Variants in NDST4 observed in about 807,000 individuals in gnomAD.
NDST4 encodes N-deacetylase and N-sulfotransferase 4.
In NDST4, 63 loss-of-function variants were observed where a neutral mutation model predicts 100.8. The observed-to-expected ratio is 0.62, with a 90% CI of 0.51 to 0.77. The LOEUF (loss-of-function observed/expected upper bound fraction) is 0.77, where lower values mean the gene tolerates loss of function less well. Ranked by LOEUF, NDST4 falls within the 30% of genes least tolerant of loss-of-function variation. NDST4 has a pLI of 0.00. For synonymous variants in NDST4, 377 were observed against 361.8 expected, an observed-to-expected ratio of 1.04 and a Z score of -0.48; for missense variants, 943 against 1,018.4, an observed-to-expected ratio of 0.93 and a Z score of 1.01.
At chr4:114,929,093 CATCCATCCATCCATCCATCCATCTATCT>C (rs1228210729) in intron 6 of NDST4, among the ~76,000 whole-genome samples, 1 of 108,398 alleles carries the variant, frequency 9.2e-6, no homozygotes, top group Non-Finnish European at 2.0e-5. Flanking sequence ...TCCATCCATC[CATCCATCCATCCATCCATCCATCTATCT>C]ATCTATCTAT....
At chr4:115,012,453 A>G (rs1325043693) in intron 2 of NDST4, among the ~76,000 whole-genome samples, 3 of 152,126 alleles carry the variant, frequency 2.0e-5, no homozygotes, top group East Asian at 1.9e-4. Flanking sequence ...TTCCAACACC[A>G]TGGCTTAAGT....
intron 2 of NDST4, among the ~76,000 whole-genome samples, chr4:115,064,908 T>C (rs1728913061): frequency 6.6e-6 from 1 of 152,160 alleles, no homozygotes. Flanking sequence ...CATTTATTGT[T>C]TCAGAAGACA....
chr4:114,922,085 G>A lies in NDST4; in HGVS notation c.1536+13121C>T, dbSNP rs538639225. Among the ~76,000 whole-genome samples the A allele has an allele frequency of 8.1e-4, 123 of 152,202 alleles. 2 individuals are homozygous for A. The highest frequency in any genetic ancestry group is 2.9e-3 in the African/African-American group (121 of 41,506). On this transcript the variant is annotated intron_variant, in intron 6 of 13. Transcript: ENST00000264363. ...TCACCAGGAATGTCCGGCCACCATCGGGTGATGGTCAGGCGGTTGTTAACT... is the reference window on the plus strand; with the variant it reads ...TCACCAGGAATGTCCGGCCACCATCAGGTGATGGTCAGGCGGTTGTTAACT...
intron 6 of NDST4, among the ~76,000 whole-genome samples, chr4:114,898,261 TA>T (rs1462826056): frequency 1.3e-5 from 2 of 152,200 alleles, no homozygotes; most frequent in African/African-American, 2.4e-5. Context: ...TAGATTTATT[TA>T]TTTTTTTATT....
chr4:114,962,789 T>C (rs1726293646), intron 4 of NDST4, among the ~76,000 whole-genome samples: 1 of 152,062 alleles, frequency 6.6e-6, no homozygotes, highest in African/African-American at 2.4e-5. Context: ...TTGTTTATTG[T>C]GCAGAAATTG....
intron 2 of NDST4, among the ~76,000 whole-genome samples, chr4:115,009,697 A>C (rs1200763052): frequency 8.3e-6 from 1 of 120,338 alleles, no homozygotes; most frequent in East Asian, 2.6e-4. Context: ...GATCTAATTA[A>C]ACTAAAGAGC....
At position 114,852,763 on chromosome 4, in the gene NDST4, T is replaced by C. The variant is rs1225615696; in HGVS notation, c.1778A>G (p.His593Arg). 2.5e-6 allele frequency: 4 copies of C among 1,612,768 alleles called. No individual in the cohort carries two copies. In the South Asian group the frequency reaches 3.3e-5, roughly 13 times the overall value. ...ACCAATTACTAGAAATTTTGGTAAG[T>C]GGTCACAAGTTTTCTCTCTGGACCA... is the stretch of plus-strand genomic sequence containing the variant. ...DIWSREKTCD[H>R]LPKFLVIGPQ... The change falls in exon 8 of 14, where the codon CAC becomes CGC. Residue 593 changes from histidine (H) to arginine (R), a missense_variant. By Grantham distance (29) the His-to-Arg change is conservative. Around this residue, in one of 2 missense-constraint regions of NDST4, gnomAD observed 526 missense variants for 634.1 expected, o/e 0.83. Transcript: ENST00000264363.
intron 1 of NDST4, among the ~76,000 whole-genome samples, chr4:115,080,729 A>C (rs1729283792): frequency 6.6e-6 from 1 of 151,890 alleles, no homozygotes; most frequent in Non-Finnish European, 1.5e-5. Flanking sequence ...AGTGAAAGAT[A>C]TTTGGAACTT....
chr4:114,967,313 T>C (rs1396223623), intron 4 of NDST4, among the ~76,000 whole-genome samples: 1 of 152,140 alleles, frequency 6.6e-6, no homozygotes, highest in East Asian at 1.9e-4. Context: ...ATTTGGACTA[T>C]GTAAAATACA....
intron 4 of NDST4, among the ~76,000 whole-genome samples, chr4:114,959,001 A>C (rs1348412477): frequency 6.6e-6 from 1 of 152,070 alleles, no homozygotes; most frequent in East Asian, 1.9e-4. Context: ...ATCTCTCTCA[A>C]GTTCAATGTT....
chr4:114,953,680 A>G (rs1726071514), intron 4 of NDST4, among the ~76,000 whole-genome samples: 1 of 152,306 alleles, frequency 6.6e-6, no homozygotes, highest in Admixed American at 6.5e-5. Flanking sequence ...TGTTTTAGGA[A>G]GTTGTTCACT....
In NDST4 at chr4:115,076,956, G is replaced by T; in HGVS notation, c.81C>A (p.Val27=). The part of the protein sequence containing the change: ...LLATFCLVSI[V]ISAYFLYSGY... ...CAGAGTAGAGAAAATAGGCAGAAAT[G>T]ACAATGCTCACCAAGCAAAAGGTAG... Residue 27 remains valine (V), a synonymous_variant, in exon 2 of 14, where the codon GTC becomes GTA. Coordinates refer to ENST00000264363, the MANE Select transcript of NDST4 (RefSeq NM_022569.3). 4 of 1,613,454 alleles carry T rather than the reference G, an allele frequency of 2.5e-6. No individual in the cohort carries two copies. The highest frequency in any genetic ancestry group is 2.2e-5 in the South Asian group (2 of 91,026).
intron 2 of NDST4, among the ~76,000 whole-genome samples, chr4:115,030,866 A>T (rs903416191): frequency 2.6e-5 from 4 of 152,256 alleles, no homozygotes; most frequent in Non-Finnish European, 5.9e-5. Context: ...TTGGGCCTCA[A>T]CTTTAATCTA....
rs145080047 is a variant in NDST4, at chr4:115,028,448, G to A, written c.978+47611C>T. ...ACATACATGTGATTGCTGAAACTCT[G>A]TCTGTTGATTAGCTTCCCTAATATG... On this transcript the variant is annotated intron_variant, in intron 2 of 13. Coordinates refer to ENST00000264363, the MANE Select transcript of NDST4 (RefSeq NM_022569.3). Among the ~76,000 whole-genome samples, 519 of 152,084 alleles carry A rather than the reference G, an allele frequency of 3.4e-3. 3 individuals are homozygous for A. The highest frequency in any genetic ancestry group is 0.012 in the African/African-American group (493 of 41,492).
At chr4:114,829,718 T>G in intron 13 of NDST4, 72 bp downstream of exon 13, 1 of 1,077,092 alleles carries the variant, frequency 9.3e-7, no homozygotes, top group South Asian at 1.5e-5. Context: ...AGCAAATTTC[T>G]TGTTACTAGT....
intron 4 of NDST4, among the ~76,000 whole-genome samples, chr4:114,956,142 C>A (rs1173201136): frequency 6.6e-6 from 1 of 152,102 alleles, no homozygotes; most frequent in Non-Finnish European, 1.5e-5. Flanking sequence ...TGATTCCATT[C>A]CAGGAAAGGA....
intron 2 of NDST4, among the ~76,000 whole-genome samples, chr4:115,006,748 C>T (rs1376767720): frequency 3.3e-5 from 5 of 151,948 alleles, no homozygotes; most frequent in South Asian, 2.1e-4. Flanking sequence ...TGTCATGTGT[C>T]TGGTGAAGTT....
intron 1 of NDST4, among the ~76,000 whole-genome samples, chr4:115,088,306 C>A (rs535746883): frequency 1.4e-5 from 2 of 141,962 alleles, no homozygotes; most frequent in East Asian, 4.4e-4. Flanking sequence ...TAATGTATAT[C>A]TCTTCTAAAG....
chr4:115,017,863 T>C (rs1727720411), intron 2 of NDST4, among the ~76,000 whole-genome samples: 1 of 151,898 alleles, frequency 6.6e-6, no homozygotes, highest in African/African-American at 2.4e-5. Flanking sequence ...TCCTGATTGT[T>C]TACATGCAGA....
Sources: allele counts gnomAD v4.1 joint callset (sites outside exome capture counted in the v4.1 genomes callset), GRCh38; gene constraint gnomAD v4.1.1; regional missense constraint gnomAD v4.1.1; transcripts MANE v1.5; gene names NCBI Gene and HGNC (gene_info 2026-07-23, HGNC 2026-07-21).